Variants in SLC44A2 observed in about 807,000 individuals in gnomAD.
SLC44A2 encodes choline transporter-like protein 2.
Under a neutral mutation model 90.8 loss-of-function variants are expected in SLC44A2, and 57 were observed. The ratio of observed to expected loss-of-function variants is 0.63; its 90% CI spans 0.51 to 0.78. The LOEUF (loss-of-function observed/expected upper bound fraction) is 0.78. SLC44A2 is among the 30% of genes least tolerant of loss of function. The probability of loss-of-function intolerance (pLI) is 0.00; values close to 1 mark genes in which losing one functional copy is unlikely to be tolerated. For synonymous variants in SLC44A2, 355 were observed against 360.7 expected (o/e 0.98, Z 0.18); for missense variants, 794 against 919.7 (o/e 0.86, Z 1.77).
chr19:10,642,279 A>G (rs1426115835), intron 20 of SLC44A2, 88 bp from the exon 21 acceptor site: 1 of 1,073,840 alleles, frequency 9.3e-7, no homozygotes, highest in Non-Finnish European at 1.4e-6. Flanking sequence ...CAGGGGAAGG[A>G]TGTGGTCCCA....
chr19:10,609,951 A>G (rs890387597), intron 1 of SLC44A2, among the ~76,000 whole-genome samples: 1 of 151,718 alleles, frequency 6.6e-6, no homozygotes, highest in South Asian at 2.1e-4. Flanking sequence ...GATTATAGGC[A>G]TGCACAACCA....
At chr19:10,610,085 C>T (rs554289629) in intron 1 of SLC44A2, among the ~76,000 whole-genome samples, 3 of 151,884 alleles carry the variant, frequency 2.0e-5, no homozygotes, top group East Asian at 3.9e-4. Context: ...GGATTACAGG[C>T]GTGAGCCACC....
intron 1 of SLC44A2, among the ~76,000 whole-genome samples, chr19:10,612,737 G>C (rs1015674625): frequency 4.6e-5 from 7 of 152,306 alleles, no homozygotes; most frequent in African/African-American, 1.2e-4. Context: ...TATCGCCCAC[G>C]CCCACTGCAC....
At chr19:10,623,777 C>T (rs2066908843), upstream of SLC44A2, among the ~76,000 whole-genome samples, 2 of 151,700 alleles carry the variant, frequency 1.3e-5, no homozygotes, top group South Asian at 4.2e-4. Flanking sequence ...GCAACCTCTA[C>T]CTCCCAGGTT....
At chr19:10,639,066 TG>T (rs1361587905) in intron 20 of SLC44A2, among the ~76,000 whole-genome samples, 1 of 152,218 alleles carries the variant, frequency 6.6e-6, no homozygotes, top group East Asian at 1.9e-4. Flanking sequence ...CCCACAGTGC[TG>T]GGATTACAGG....
Position 10,635,170 on chromosome 19 carries a change from G to A in SLC44A2, c.1063G>A (p.Gly355Arg). ...GTCTCTGCTCTTCCCTAGGGCTGTG[G>A]GATACGTCATGTGCTCCTTGCTCTA... ...ALIKEASRAVGYVMCSLLYPL... is the reference protein window; with the variant it reads ...ALIKEASRAVRYVMCSLLYPL... The change falls in exon 13 of 22, where the codon GGA becomes AGA. Residue 355 changes from glycine (G) to arginine (R), a missense_variant. Coordinates refer to ENST00000335757, the MANE Select transcript of SLC44A2 (RefSeq NM_020428.4). 6.2e-7 allele frequency: 1 copy of A among 1,613,938 alleles called. No homozygotes were observed. Among genetic ancestry groups the A allele is most frequent in the Non-Finnish European group, 8.5e-7 (1 of 1,180,004 alleles).
intron 4 of SLC44A2, 73 bp downstream of exon 4, chr19:10,628,077 C>CT (rs1172392793): frequency 1.8e-5 from 25 of 1,368,644 alleles, no homozygotes; most frequent in East Asian, 4.9e-5. Context: ...CCCCATCTCT[C>CT]TAAGTCCAGT....
chr19:10,636,981 C>A, intron 16 of SLC44A2: 1 of 516,856 alleles, frequency 1.9e-6, no homozygotes, highest in Non-Finnish European at 3.4e-6. Context: ...AGGGGACAGG[C>A]CCAAGAGGCC....
At position 10,631,259 on chromosome 19, in the gene SLC44A2, C is replaced by CCT. The variant is rs762190221; in HGVS notation, c.331-15_331-14dup. 44 of 1,613,262 alleles carry CCT rather than the reference C, an allele frequency of 2.7e-5. No homozygotes were observed. Among genetic ancestry groups the CCT allele is most frequent in the Non-Finnish European group, 4.2e-6 (5 of 1,179,368 alleles). On this transcript the variant is annotated splice_polypyrimidine_tract_variant and intron_variant, in intron 5 of 21. Coordinates refer to ENST00000335757, the MANE Select transcript of SLC44A2 (RefSeq NM_020428.4). ...CTGCCCCAACTCCACCCAATCCCTT[C>CCT]CTTCTCCCCTCCCAGATCTGCGTGG...
chr19:10,639,608 G>A (rs141776683), intron 20 of SLC44A2, among the ~76,000 whole-genome samples: 76 of 152,282 alleles, frequency 5.0e-4, no homozygotes, highest in African/African-American at 1.4e-3. Context: ...GCCAGGCACC[G>A]TGGCTCACAC....
intron 17 of SLC44A2, 47 bp downstream of exon 17, chr19:10,637,794 T>G (rs752379536): frequency 6.2e-7 from 1 of 1,612,772 alleles, no homozygotes; most frequent in South Asian, 1.1e-5. Flanking sequence ...TCCTGCTGGG[T>G]GAGAGGACCA....
At chr19:10,609,868 C>G (rs902040595) in intron 1 of SLC44A2, among the ~76,000 whole-genome samples, 6 of 151,788 alleles carry the variant, frequency 4.0e-5, no homozygotes, top group Non-Finnish European at 7.4e-5. Flanking sequence ...GGGCAGGGCA[C>G]AATCTCGGCT....
At chr19:10,611,567 C>G (rs1449184543) in intron 1 of SLC44A2, among the ~76,000 whole-genome samples, 1 of 146,740 alleles carries the variant, frequency 6.8e-6, no homozygotes, top group South Asian at 2.1e-4. Flanking sequence ...TCCTATAATC[C>G]CAGCTGTTTG....
At chr19:10,636,085 C>T in intron 14 of SLC44A2, 2 of 532,606 alleles carry the variant, frequency 3.8e-6, no homozygotes, top group Non-Finnish European at 6.5e-6. Flanking sequence ...CCCATTTTTC[C>T]CCATTTCATT....
rs2067127427 is a variant in SLC44A2 at position 10,642,461 on chromosome 19, C to A, written c.2014+10C>A. 1.9e-6 allele frequency: 3 copies of A among 1,613,310 alleles called. No homozygotes were observed. Among genetic ancestry groups the A allele is most frequent in the Non-Finnish European group, 2.5e-6 (3 of 1,179,296 alleles). ...CTGTTCCTCTGCTTCTGTGAGTGAC[C>A]CCTCACCCCAAACCTTGCTGGGCCC... On this transcript the variant is annotated intron_variant, in intron 21 of 21. Transcript: ENST00000335757.
chr19:10,615,964 C>T (rs759818791), intron 1 of SLC44A2, among the ~76,000 whole-genome samples: 1 of 152,102 alleles, frequency 6.6e-6, no homozygotes, highest in Admixed American at 6.6e-5. Flanking sequence ...GATTTAGAGA[C>T]CAGCCTGGGC....
At chr19:10,637,022 T>C (rs932806932) in intron 16 of SLC44A2, 1 of 472,372 alleles carries the variant, frequency 2.1e-6, no homozygotes, top group East Asian at 3.7e-5. Context: ...CCAGAGTGAA[T>C]TGGAGTGGTA....
chr19:10,635,769 C>A, intron 14 of SLC44A2: 10 of 326,684 alleles, frequency 3.1e-5, no homozygotes, highest in Admixed American at 4.8e-5. Context: ...TTTTTCCCTA[C>A]TTCCTTTTTT....
chr19:10,606,576 C>T (rs1442297496), intron 1 of SLC44A2, among the ~76,000 whole-genome samples: 2 of 152,004 alleles, frequency 1.3e-5, no homozygotes, highest in Admixed American at 1.3e-4. Flanking sequence ...TTTGGGAGGC[C>T]GAGGCAAGTG....
Sources: allele counts gnomAD v4.1 joint callset (sites outside exome capture counted in the v4.1 genomes callset), GRCh38; gene constraint gnomAD v4.1.1; transcripts MANE v1.5; gene names NCBI Gene and HGNC (gene_info 2026-07-23, HGNC 2026-07-21).